Variants in DCDC2 observed in about 807,000 individuals in gnomAD.
The protein encoded by DCDC2 is doublecortin domain-containing protein 2.
A neutral mutation model predicts 50.2 loss-of-function variants in DCDC2; 40 were observed. The observed-to-expected ratio is 0.80, with a 90% confidence interval of 0.62 to 1.04. The LOEUF is 1.04. Among genes scored for constraint, DCDC2 ranks in the 50% least tolerant of loss-of-function variants. DCDC2 has a pLI of 0.00. For missense variants in DCDC2, 570 were observed against 581.9 expected, an observed-to-expected ratio of 0.98 and a Z score of 0.21; for synonymous variants, 234 against 210.6, an observed-to-expected ratio of 1.11 and a Z score of -0.96.
chr6:24,338,760 C>G (rs1463325795), intron 2 of DCDC2, among the ~76,000 whole-genome samples: 2 of 152,202 alleles, frequency 1.3e-5, no homozygotes, highest in Admixed American at 1.3e-4. Flanking sequence ...ATTCTCCTGA[C>G]TCAGCCTCCC....
intron 7 of DCDC2, among the ~76,000 whole-genome samples, chr6:24,270,583 A>G (rs79480882): frequency 0.036 from 5,512 of 152,206 alleles, 227 homozygotes; most frequent in African/African-American, 0.1. Context: ...GGATCTGCTG[A>G]TATTCTAAAG....
intron 2 of DCDC2, among the ~76,000 whole-genome samples, chr6:24,332,301 A>G (rs1759981880): frequency 6.6e-6 from 1 of 152,170 alleles, no homozygotes; most frequent in Non-Finnish European, 1.5e-5. Flanking sequence ...GTGATGTCCA[A>G]GCATCTTTTC....
upstream of DCDC2, among the ~76,000 whole-genome samples, chr6:24,358,770 T>G (rs867220535): frequency 9.0e-5 from 8 of 89,296 alleles, no homozygotes; most frequent in Admixed American, 1.2e-3. Flanking sequence ...TATTATATAT[T>G]TTTATATATA....
chr6:24,306,525 GATA>G (rs1759476641), intron 2 of DCDC2, among the ~76,000 whole-genome samples: 1 of 140,918 alleles, frequency 7.1e-6, no homozygotes, highest in Non-Finnish European at 1.5e-5. Context: ...TAGATAGATA[GATA>G]GATAGATAGA....
At chr6:24,216,237 T>C (rs1761972671) in intron 7 of DCDC2, among the ~76,000 whole-genome samples, 1 of 150,916 alleles carries the variant, frequency 6.6e-6, no homozygotes, top group South Asian at 2.1e-4. Context: ...AAATAGAAAA[T>C]GGTTAGGGAC....
chr6:24,240,773 A>G (rs1036682467), intron 7 of DCDC2, among the ~76,000 whole-genome samples: 1 of 152,220 alleles, frequency 6.6e-6, no homozygotes, highest in Non-Finnish European at 1.5e-5. Flanking sequence ...TAAGACAGCA[A>G]ATCAATCCCT....
intron 2 of DCDC2, among the ~76,000 whole-genome samples, chr6:24,351,078 C>G (rs931010656): frequency 2.0e-5 from 3 of 152,180 alleles, no homozygotes; most frequent in African/African-American, 7.2e-5. Context: ...CACTCGTGCT[C>G]TACCTAAAAC....
chr6:24,237,109 T>G (rs1762459072), intron 7 of DCDC2, among the ~76,000 whole-genome samples: 2 of 151,644 alleles, frequency 1.3e-5, no homozygotes, highest in African/African-American at 4.8e-5. Flanking sequence ...CCATCATCAC[T>G]AATCATTAGA....
intron 8 of DCDC2, among the ~76,000 whole-genome samples, chr6:24,197,078 G>A (rs1434555538): frequency 6.6e-6 from 1 of 152,128 alleles, no homozygotes; most frequent in Non-Finnish European, 1.5e-5. Flanking sequence ...AGTACCTTTG[G>A]TTACCTGGCT....
intron 5 of DCDC2, among the ~76,000 whole-genome samples, chr6:24,289,956 T>G (rs807715): frequency 6.9e-6 from 1 of 144,004 alleles, no homozygotes; most frequent in Non-Finnish European, 1.5e-5. Flanking sequence ...TCCTGCAGCA[T>G]GGGCCAGAGC....
At chr6:24,229,566 T>G (rs1204238426) in intron 7 of DCDC2, among the ~76,000 whole-genome samples, 1 of 152,064 alleles carries the variant, frequency 6.6e-6, no homozygotes, top group Non-Finnish European at 1.5e-5. Context: ...CATGAAATCT[T>G]TCAGGAAAAA....
intron 2 of DCDC2, among the ~76,000 whole-genome samples, chr6:24,336,396 C>G (rs1389412929): frequency 6.6e-6 from 1 of 152,186 alleles, no homozygotes; most frequent in Non-Finnish European, 1.5e-5. Flanking sequence ...ATCTCTCAGT[C>G]TTTGTGAAAT....
intron 7 of DCDC2, among the ~76,000 whole-genome samples, chr6:24,232,002 T>TACACAC (rs1330622339): frequency 3.3e-4 from 23 of 70,282 alleles, no homozygotes; most frequent in African/African-American, 7.0e-4. Flanking sequence ...TTCATATATA[T>TACACAC]ATACACACAC....
intron 7 of DCDC2, among the ~76,000 whole-genome samples, chr6:24,271,602 C>T (rs1277970884): frequency 6.6e-6 from 1 of 152,170 alleles, no homozygotes. Flanking sequence ...CTCTGGCCTA[C>T]ACCAGTAATT....
chr6:24,296,766 C>T (rs1393768661), intron 4 of DCDC2, among the ~76,000 whole-genome samples: 2 of 152,158 alleles, frequency 1.3e-5, no homozygotes, highest in African/African-American at 2.4e-5. Flanking sequence ...CAATGATACA[C>T]CATCTCATGC....
intron 7 of DCDC2, among the ~76,000 whole-genome samples, chr6:24,225,382 C>T (rs897528124): frequency 6.6e-6 from 1 of 152,050 alleles, no homozygotes; most frequent in Admixed American, 6.6e-5. Flanking sequence ...CTTCTCCTGA[C>T]CAGAAAAACA....
intron 7 of DCDC2, chr6:24,205,434 T>C: frequency 9.0e-7 from 1 of 1,106,890 alleles, no homozygotes; most frequent in Non-Finnish European, 1.2e-6. Flanking sequence ...ATCCCAGTTC[T>C]CCCCTCCTAT....
chr6:24,198,102 G>T (rs973742759), intron 8 of DCDC2, among the ~76,000 whole-genome samples: 3 of 152,050 alleles, frequency 2.0e-5, no homozygotes, highest in Non-Finnish European at 2.9e-5. Context: ...GCAAATATTT[G>T]ACTTACATTT....
intron 8 of DCDC2, among the ~76,000 whole-genome samples, chr6:24,196,545 C>A (rs1388112221): frequency 1.3e-5 from 2 of 152,034 alleles, no homozygotes; most frequent in African/African-American, 4.8e-5. Flanking sequence ...CTCAGCCTCC[C>A]GATTATCTGG....
Sources: gnomAD v4.1 joint callset for allele counts (sites outside exome capture counted in the v4.1 genomes callset) on GRCh38, gnomAD v4.1.1 for gene constraint, MANE v1.5 for transcripts, NCBI Gene and HGNC (gene_info 2026-07-23, HGNC 2026-07-21) for gene names.